The following PCDHGA4 variants were observed in gnomAD, a reference collection of about 807,000 sequenced individuals.
PCDHGA4 encodes the protein protocadherin gamma subfamily A, 4.
Under a neutral mutation model 54.6 loss-of-function variants are expected in PCDHGA4, and 38 were observed. The observed-to-expected ratio is 0.70, with a 90% CI of 0.54 to 0.91. PCDHGA4 has a LOEUF of 0.91. PCDHGA4 is among the 40% of genes least tolerant of loss of function. The probability of loss-of-function intolerance (pLI) is 0.00; values close to 1 mark genes in which losing one functional copy is unlikely to be tolerated. For missense variants in PCDHGA4, 1,298 were observed against 1,220.9 expected (o/e 1.06, Z -0.94); for synonymous variants, 511 against 512.9 (o/e 1.00, Z 0.05).
In PCDHGA4 at chr5:141,409,721, G is replaced by A. The variant is rs892686024; in HGVS notation, c.2514+52100G>A. On this transcript the variant is annotated intron_variant, in intron 1 of 3. Transcript: ENST00000571252. ...CCTGGCGGTGTCGTCATACGTGTCA[G>A]TGAGCGCGCAGAGCGGGGTGGTGTT... The A allele has an allele frequency of 6.8e-6, 11 of 1,613,114 alleles. No homozygotes were observed. The highest frequency in any genetic ancestry group is 6.7e-5 in the East Asian group (3 of 44,892).
chr5:141,489,225 A>G lies in PCDHGA4; in HGVS notation c.2515-5582A>G. 3 of 1,518,230 alleles carry G rather than the reference A, an allele frequency of 2.0e-6. No individual in the cohort carries two copies. Among genetic ancestry groups the G allele is most frequent in the East Asian group, 2.3e-5 (1 of 44,234 alleles). 94.0% of individuals were successfully genotyped at this position (1,518,230 alleles called of 1,614,324 possible). On this transcript the variant is annotated intron_variant, in intron 1 of 3. Coordinates refer to ENST00000571252, the MANE Select transcript of PCDHGA4 (RefSeq NM_018917.4). The surrounding 1 kb of genome is among the most constrained non-coding windows in gnomAD (Gnocchi z 4.5). ...GGACAGCACAGACTTACTCTCCACA[A>G]AGGGACTTCTGGGTCATGGGGCCCA...
chr5:141,375,688 C>A, intron 1 of PCDHGA4: 2 of 1,614,256 alleles, frequency 1.2e-6, no homozygotes, highest in South Asian at 2.2e-5. Flanking sequence ...TGACAGCCAG[C>A]GACAGCGGGG....
rs2097504446 is a variant in PCDHGA4, at chr5:141,432,472, T to C, written c.2515-62335T>C. The C allele has an allele frequency of 9.9e-6, 16 of 1,614,012 alleles. No homozygotes were observed. Among genetic ancestry groups the C allele is most frequent in the Non-Finnish European group, 1.4e-5 (16 of 1,180,036 alleles). ...TGTACCCCGCCCTCCCCACGGACGG[T>C]TCCACTGGCGTGGAGCTGGCTCCCC... On this transcript the variant is annotated intron_variant, in intron 1 of 3. Transcript: ENST00000571252. This position sits in a 1 kb window ranked among gnomAD's most constrained non-coding sequence, Gnocchi z 6.0.
intron 1 of PCDHGA4, among the ~76,000 whole-genome samples, chr5:141,438,614 A>G (rs1208036297): frequency 5.8e-5 from 2 of 34,396 alleles, no homozygotes. Context: ...ATATATATAT[A>G]TATATATATA....
intron 1 of PCDHGA4, chr5:141,394,500 C>A (rs1450931785): frequency 3.7e-6 from 6 of 1,614,124 alleles, no homozygotes; most frequent in Non-Finnish European, 5.1e-6. Context: ...GCCCGAGATC[C>A]TGTACCCCGC....
rs778271895 is a variant in PCDHGA4 at position 141,404,140 on chromosome 5, T to C, written c.2514+46519T>C. ...AGAATCTATCTTTTACATTAGAAAA[T>C]TCAGAAGAAGATTATTACAGATTGT... On this transcript the variant is annotated intron_variant, in intron 1 of 3. Coordinates refer to ENST00000571252, the MANE Select transcript of PCDHGA4 (RefSeq NM_018917.4). The C allele has an allele frequency of 8.1e-6, 13 of 1,612,934 alleles. No homozygotes were observed. The South Asian group carries it at 1.3e-4, about 16-fold the overall frequency.
chr5:141,500,186 T>A (rs1008615587), intron 2 of PCDHGA4, among the ~76,000 whole-genome samples: 7 of 99,362 alleles, frequency 7.0e-5, no homozygotes, highest in African/African-American at 3.5e-4. Flanking sequence ...ATTTTTATTT[T>A]TATTTATTTA....
At chr5:141,409,054 T>C (rs1314214077) in intron 1 of PCDHGA4, 2 of 1,613,910 alleles carry the variant, frequency 1.2e-6, no homozygotes, top group Non-Finnish European at 1.7e-6. Flanking sequence ...TCCGAAGCAC[T>C]GCCCAGAGCA....
At position 141,356,856 on chromosome 5, in the gene PCDHGA4, G is replaced by A. The variant is rs751780680; in HGVS notation, c.1749G>A (p.Val583=). The change falls in exon 1 of 4, where the codon GTG becomes GTA. Residue 583 remains valine (V), a synonymous_variant. Transcript: ENST00000571252. ...LSSNVSLSLF[V]LDQNDNVPEI... is the part of the protein sequence containing the mutation. ...GCAATGTGTCACTGAGCCTCTTTGTGCTGGACCAGAACGACAATGTCCCTG... is the reference window on the plus strand; with the variant it reads ...GCAATGTGTCACTGAGCCTCTTTGTACTGGACCAGAACGACAATGTCCCTG... The A allele has an allele frequency of 1.9e-6, 3 of 1,614,198 alleles. No individual in the cohort carries two copies. Among genetic ancestry groups the A allele is most frequent in the East Asian group, 2.2e-5 (1 of 44,866 alleles).
rs369141362 is a variant in PCDHGA4 at position 141,404,800 on chromosome 5, C to T, written c.2514+47179C>T. The T allele has an allele frequency of 1.8e-5, 29 of 1,613,852 alleles. No homozygotes were observed. The Admixed American group carries it at 3.3e-4, about 19-fold the overall frequency. On this transcript the variant is annotated intron_variant, in intron 1 of 3. Transcript: ENST00000571252. ...TATTCAAGGCCAGTGAGCCAGGGCT[C>T]TTCTCGGTGGGGCTGCACACAGGTG... is the stretch of plus-strand genomic sequence containing the variant.
chr5:141,440,818 C>T (rs906112291), intron 1 of PCDHGA4: 2 of 152,124 alleles, frequency 1.3e-5, no homozygotes, highest in Non-Finnish European at 2.9e-5. Flanking sequence ...TCACTCAACT[C>T]CTGATCCTAT....
chr5:141,365,250 T>C, intron 1 of PCDHGA4: 1 of 1,613,976 alleles, frequency 6.2e-7, no homozygotes, highest in Non-Finnish European at 8.5e-7. Flanking sequence ...CTACAATCAC[T>C]GGACTATGAA....
At chr5:141,392,593 C>G (rs986653235) in intron 1 of PCDHGA4, 2 of 494,194 alleles carry the variant, frequency 4.0e-6, no homozygotes, top group Non-Finnish European at 7.1e-6. Context: ...CCGCTGTTCA[C>G]CTACTGGAAG....
chr5:141,398,018 A>G, intron 1 of PCDHGA4: 1 of 1,425,774 alleles, frequency 7.0e-7, no homozygotes, highest in East Asian at 2.5e-5. Flanking sequence ...TCGTTTCCTA[A>G]ACTGGAACTG....
At chr5:141,398,414 G>C (rs373274513) in intron 1 of PCDHGA4, 1 of 1,487,954 alleles carries the variant, frequency 6.7e-7, no homozygotes, top group Non-Finnish European at 9.3e-7. Flanking sequence ...GAGGAGATAT[G>C]CGGGAAGAAG....
At position 141,477,222 on chromosome 5, in the gene PCDHGA4, C is replaced by T; in HGVS notation, c.2515-17585C>T. Reference sequence around the variant, plus strand: ...GTACCCGAGGATGCCCCTCTGGGGACTGTCATCGCTTTGCTCAGTGTGACT... The same window carrying T: ...GTACCCGAGGATGCCCCTCTGGGGATTGTCATCGCTTTGCTCAGTGTGACT... On this transcript the variant is annotated intron_variant, in intron 1 of 3. Transcript: ENST00000571252. This position sits in a 1 kb window ranked among gnomAD's most constrained non-coding sequence, Gnocchi z 4.9. 2 of 1,614,218 alleles carry T rather than the reference C, an allele frequency of 1.2e-6. No homozygotes were observed. Among genetic ancestry groups the T allele is most frequent in the South Asian group, 1.1e-5 (1 of 91,086 alleles).
At chr5:141,364,099 G>T in intron 1 of PCDHGA4, 1 of 407,086 alleles carries the variant, frequency 2.5e-6, no homozygotes, top group Non-Finnish European at 4.3e-6. Context: ...ATTTGATGCA[G>T]TCACTGGTTA....
chr5:141,505,681 G>A (rs113733387), intron 3 of PCDHGA4, among the ~76,000 whole-genome samples, 200 bp downstream of exon 3: 92 of 152,324 alleles, frequency 6.0e-4, no homozygotes, highest in African/African-American at 2.1e-3. Flanking sequence ...GGGGTCCTGG[G>A]ATGCCTGGAG....
rs2099394923 is a variant in PCDHGA4 at position 141,476,611 on chromosome 5, A to G, written c.2515-18196A>G. On this transcript the variant is annotated intron_variant, in intron 1 of 3. Coordinates refer to ENST00000571252, the MANE Select transcript of PCDHGA4 (RefSeq NM_018917.4). The surrounding 1 kb of genome is among the most constrained non-coding windows in gnomAD (Gnocchi z 7.6). ...AGAGCGCGCACGATCCCGATGTGGG[A>G]AGCAACTCTTTACAAACCTATGAGC... 6.2e-7 allele frequency: 1 copy of G among 1,614,092 alleles called. No individual in the cohort carries two copies. Among genetic ancestry groups the G allele is most frequent in the Non-Finnish European group, 8.5e-7 (1 of 1,180,042 alleles).
Sources: gnomAD v4.1 joint callset for allele counts (sites outside exome capture counted in the v4.1 genomes callset) on GRCh38, gnomAD v4.1.1 for gene constraint, Gnocchi (gnomAD v3.1) non-coding constraint, MANE v1.5 for transcripts, NCBI Gene and HGNC (gene_info 2026-07-23, HGNC 2026-07-21) for gene names.